The following HNRNPC variants were observed in gnomAD, a reference collection of about 807,000 sequenced individuals.
HNRNPC encodes the protein heterogeneous nuclear ribonucleoprotein C.
In HNRNPC, 3 loss-of-function variants were observed where a neutral mutation model predicts 33.2. That is an observed-to-expected ratio of 0.09 (90% CI 0.04 to 0.23). The LOEUF is 0.23. HNRNPC is among the 10% of genes least tolerant of loss of function. The probability of loss-of-function intolerance (pLI) is 1.00; values close to 1 mark genes in which losing one functional copy is unlikely to be tolerated. For synonymous variants in HNRNPC, 121 were observed against 126.7 expected, an observed-to-expected ratio of 0.96 and a Z score of 0.30; for missense variants, 143 against 366.7, an observed-to-expected ratio of 0.39 and a Z score of 4.98.
chr14:21,265,578 G>A (rs917419948), intron 1 of HNRNPC: 1 of 152,168 alleles, frequency 6.6e-6, no homozygotes, highest in African/African-American at 2.4e-5. Context: ...GGAGGCTTGG[G>A]GCGGGTGGAT....
At chr14:21,230,575 T>C (rs1392291687) in intron 4 of HNRNPC, 2 of 549,158 alleles carry the variant, frequency 3.6e-6, no homozygotes, top group Non-Finnish European at 6.6e-6. Context: ...AAATTCAGGT[T>C]AAAATTCGCT....
rs1378497002 is a variant in HNRNPC at position 21,210,313 on chromosome 14, C to G, written c.*910G>C. The G allele has an allele frequency of 1.3e-5, 2 of 152,180 alleles. No homozygotes were observed. Among genetic ancestry groups the G allele is most frequent in the Non-Finnish European group, 2.9e-5 (2 of 68,046 alleles). 9.4% of individuals were successfully genotyped at this position (152,180 alleles called of 1,614,324 possible). On this transcript the variant is annotated 3_prime_UTR_variant, in exon 9 of 9. Coordinates refer to ENST00000553300, the MANE Select transcript of HNRNPC (RefSeq NM_004500.4). ...AGGCAGAGAGGATATACTTCCCAAA[C>G]TTTCATTAGGATGTAAAAGCCATTT...
At chr14:21,230,936 T>C in intron 4 of HNRNPC, 61 bp downstream of exon 4, 2 of 1,592,182 alleles carry the variant, frequency 1.3e-6, no homozygotes, top group Non-Finnish European at 1.7e-6. Context: ...ACAATGCAGT[T>C]ATAAATAATA....
At chr14:21,257,098 C>G (rs570632037) in intron 2 of HNRNPC, among the ~76,000 whole-genome samples, 1 of 152,318 alleles carries the variant, frequency 6.6e-6, no homozygotes, top group Admixed American at 6.5e-5. Flanking sequence ...GCATGAACAT[C>G]AGGAGCACAG....
intron 2 of HNRNPC, among the ~76,000 whole-genome samples, chr14:21,237,075 C>A (rs1192429817): frequency 1.3e-5 from 2 of 152,152 alleles, no homozygotes; most frequent in Non-Finnish European, 2.9e-5. Context: ...AGAAGTTTCA[C>A]CTGCTCCAAT....
chr14:21,211,667 TC>T lies in HNRNPC; in HGVS notation c.638-102del, dbSNP rs1891620541. On this transcript the variant is annotated intron_variant, in intron 7 of 8. Transcript: ENST00000553300. ...AGAACTGCAGCACAAATCTAAATCCTCCCACACAAATACCCTTCCCAATTCA... is the reference window on the plus strand; with the variant it reads ...AGAACTGCAGCACAAATCTAAATCCTCCACACAAATACCCTTCCCAATTCA... The T allele has an allele frequency of 2.1e-6, 3 of 1,447,040 alleles. No homozygotes were observed. The East Asian group carries it at 7.1e-5, about 34-fold the overall frequency. The allele number at this position is 1,447,040 out of a possible 1,614,324, so 89.6% of individuals were successfully genotyped here. A position where few individuals can be genotyped will look rare whatever the true frequency, so the allele number is the denominator to read the frequency against.
chr14:21,252,798 G>T (rs989553122), intron 2 of HNRNPC, among the ~76,000 whole-genome samples: 4 of 152,084 alleles, frequency 2.6e-5, no homozygotes, highest in African/African-American at 9.7e-5. Flanking sequence ...CAAAAAGGCT[G>T]GCCAAGGATT....
At chr14:21,261,106 G>T (rs1463700193) in intron 2 of HNRNPC, among the ~76,000 whole-genome samples, 1 of 152,088 alleles carries the variant, frequency 6.6e-6, no homozygotes, top group Non-Finnish European at 1.5e-5. Flanking sequence ...GTGACTACAG[G>T]CTTACAGGCA....
chr14:21,220,923 C>G (rs894778485), intron 5 of HNRNPC, among the ~76,000 whole-genome samples: 1 of 151,974 alleles, frequency 6.6e-6, no homozygotes, highest in Non-Finnish European at 1.5e-5. Context: ...CCCGTCTCTA[C>G]TAAAATACAC....
intron 5 of HNRNPC, among the ~76,000 whole-genome samples, chr14:21,214,195 G>A (rs932453442): frequency 2.6e-5 from 4 of 152,120 alleles, no homozygotes. Context: ...CCTACCAACT[G>A]TTCTAACTCC....
intron 2 of HNRNPC, among the ~76,000 whole-genome samples, chr14:21,253,173 TAAAAA>T (rs544647664): frequency 8.4e-6 from 1 of 118,786 alleles, no homozygotes; most frequent in Non-Finnish European, 1.8e-5. Flanking sequence ...ACTCTGTCTT[TAAAAA>T]AAAAAAAAAA....
chr14:21,223,694 A>G (rs1893103799), intron 5 of HNRNPC, among the ~76,000 whole-genome samples: 1 of 152,138 alleles, frequency 6.6e-6, no homozygotes, highest in Admixed American at 6.5e-5. Flanking sequence ...GGTTGCCGTG[A>G]GCAGTGATGC....
intron 1 of HNRNPC, among the ~76,000 whole-genome samples, chr14:21,267,123 A>AAAC (rs1879150473): frequency 2.4e-5 from 3 of 122,618 alleles, no homozygotes; most frequent in African/African-American, 5.9e-5. Flanking sequence ...AAAAAAAAAA[A>AAAC]AAAACAAAAC....
chr14:21,259,317 T>C (rs1877770927), intron 2 of HNRNPC, among the ~76,000 whole-genome samples: 1 of 152,202 alleles, frequency 6.6e-6, no homozygotes, highest in South Asian at 2.1e-4. Flanking sequence ...ATCCACGCTC[T>C]TCTTTTCCTT....
intron 4 of HNRNPC, chr14:21,230,678 C>A (rs575690773): frequency 1.0e-4 from 49 of 483,586 alleles, no homozygotes; most frequent in African/African-American, 9.6e-4. Flanking sequence ...CTCTCTTACT[C>A]TCTAGTGTCT....
intron 5 of HNRNPC, among the ~76,000 whole-genome samples, chr14:21,228,699 ATTTTTT>A (rs1566610956): frequency 3.3e-5 from 5 of 151,982 alleles, no homozygotes; most frequent in Middle Eastern, 3.4e-3. Flanking sequence ...GCTGATTTTT[ATTTTTT>A]AAGAATTTCA....
chr14:21,229,602 TCA>T (rs1189348730), intron 5 of HNRNPC, among the ~76,000 whole-genome samples: 2 of 152,200 alleles, frequency 1.3e-5, no homozygotes, highest in Non-Finnish European at 2.9e-5. Context: ...TCTGACACTT[TCA>T]GTGTATACTT....
intron 2 of HNRNPC, among the ~76,000 whole-genome samples, chr14:21,247,077 G>C (rs1426118519): frequency 6.6e-6 from 1 of 152,138 alleles, no homozygotes; most frequent in African/African-American, 2.4e-5. Flanking sequence ...TTTTATTTTT[G>C]AGGGGGTGCT....
intron 2 of HNRNPC, among the ~76,000 whole-genome samples, chr14:21,251,900 T>C (rs1444472932): frequency 6.6e-6 from 1 of 152,130 alleles, no homozygotes; most frequent in East Asian, 1.9e-4. Flanking sequence ...AATGCAAAAT[T>C]TGTCAGAGAT....
Sources: gnomAD v4.1 joint callset for allele counts (sites outside exome capture counted in the v4.1 genomes callset) on GRCh38, gnomAD v4.1.1 for gene constraint, MANE v1.5 for transcripts, NCBI Gene and HGNC (gene_info 2026-07-23, HGNC 2026-07-21) for gene names.